Variants in MICOS10 observed in about 807,000 individuals in gnomAD.
MICOS10 encodes the protein MICOS complex subunit MIC10.
In MICOS10, 5 loss-of-function variants were observed where a neutral mutation model predicts 13.4. The observed-to-expected ratio is 0.37, with a 90% confidence interval of 0.20 to 0.78. The LOEUF (loss-of-function observed/expected upper bound fraction) is 0.78, where lower values mean the gene tolerates loss of function less well. Among genes scored for constraint, MICOS10 ranks in the 30% least tolerant of loss-of-function variants. The pLI is 0.47. For missense variants in MICOS10, 101 were observed against 94.6 expected (o/e 1.07, Z -0.28); for synonymous variants, 35 against 33.6 (o/e 1.04, Z -0.15).
intron 2 of MICOS10, among the ~76,000 whole-genome samples, chr1:19,623,024 C>G (rs1737427): frequency 0.11 from 16,400 of 150,480 alleles, 3,030 homozygotes; most frequent in African/African-American, 0.38. Flanking sequence ...CTGGTTCAAG[C>G]GATTCCCCTG....
intron 1 of MICOS10, among the ~76,000 whole-genome samples, chr1:19,615,120 T>A (rs547981904): frequency 9.2e-5 from 14 of 152,188 alleles, no homozygotes; most frequent in Non-Finnish European, 1.6e-4. Context: ...TTTTGGACAG[T>A]TTTCTGGGTA....
intron 1 of MICOS10, among the ~76,000 whole-genome samples, chr1:19,599,894 A>G (rs554632838): frequency 6.6e-6 from 1 of 152,244 alleles, no homozygotes; most frequent in African/African-American, 2.4e-5. Context: ...CTGCGTATTC[A>G]GCACCTCTGC....
Position 19,619,812 on chromosome 1 carries a change from C to T in MICOS10, c.65-2288C>T, listed in dbSNP as rs372254149. ...GGAGTATGTGCCAATTCTTTTTCCTCTCCAAAAGGCATGGTTTCAGAGCAT... is the reference window on the plus strand; with the variant it reads ...GGAGTATGTGCCAATTCTTTTTCCTTTCCAAAAGGCATGGTTTCAGAGCAT... On this transcript the variant is annotated intron_variant, in intron 1 of 3. Coordinates refer to ENST00000322753, the MANE Select transcript of MICOS10 (RefSeq NM_001032363.4). 1.2e-4 allele frequency among the ~76,000 whole-genome samples: 19 copies of T among 152,330 alleles called. No individual in the cohort carries two copies. In the South Asian group the frequency reaches 2.5e-3, roughly 20 times the overall value.
At chr1:19,611,428 T>G (rs2094860717) in intron 1 of MICOS10, among the ~76,000 whole-genome samples, 2 of 151,408 alleles carry the variant, frequency 1.3e-5, no homozygotes, top group African/African-American at 4.9e-5. Context: ...CAGAAAAGAT[T>G]ATGAAGAACT....
intron 3 of MICOS10, among the ~76,000 whole-genome samples, chr1:19,625,856 C>G (rs1390037463): frequency 6.6e-6 from 1 of 152,116 alleles, no homozygotes; most frequent in African/African-American, 2.4e-5. Flanking sequence ...AAAAATGGAG[C>G]AAAATCCCAA....
At chr1:19,608,632 G>A (rs890811449) in intron 1 of MICOS10, 2 of 670,608 alleles carry the variant, frequency 3.0e-6, no homozygotes, top group African/African-American at 1.8e-5. Flanking sequence ...AATAAAAAAA[G>A]TGAAACCTGT....
intron 1 of MICOS10, chr1:19,597,761 T>C (rs2094798474): frequency 6.6e-6 from 1 of 152,258 alleles, no homozygotes. Flanking sequence ...AGTCACTGTA[T>C]GGTGGGGAGG....
In MICOS10 at chr1:19,610,540, A is replaced by C. The variant is rs1002749773; in HGVS notation, c.65-11560A>C. On this transcript the variant is annotated intron_variant, in intron 1 of 3. Coordinates refer to ENST00000322753, the MANE Select transcript of MICOS10 (RefSeq NM_001032363.4). Reference sequence around the variant, plus strand: ...ATTACAGGCTCGTACCACCATGCCCACTAACAGATTGATCTTAACGGATAC... The same window carrying C: ...ATTACAGGCTCGTACCACCATGCCCCCTAACAGATTGATCTTAACGGATAC... 2.2e-4 allele frequency among the ~76,000 whole-genome samples: 34 copies of C among 151,562 alleles called. No individual in the cohort carries two copies. In the East Asian group the frequency reaches 5.4e-3, roughly 24 times the overall value.
rs1205175144 is a variant in MICOS10, at chr1:19,622,103, C to G, written c.68C>G (p.Thr23Ser). ...TGTTTTTTCTCCCTCTTTGTAGGTACTGGTTTTGGATTAGGAATTGTTTTC... is the reference window on the plus strand; with the variant it reads ...TGTTTTTTCTCCCTCTTTGTAGGTAGTGGTTTTGGATTAGGAATTGTTTTC... Reference protein sequence around the residue: ...CLADAVVKIGTGFGLGIVFSL... With the variant: ...CLADAVVKIGSGFGLGIVFSL... The change falls in exon 2 of 4, where the codon ACT becomes AGT. Residue 23 changes from threonine to serine, a missense_variant. Coordinates refer to ENST00000322753, the MANE Select transcript of MICOS10 (RefSeq NM_001032363.4). 1.2e-6 allele frequency: 2 copies of G among 1,611,130 alleles called. No individual in the cohort carries two copies. The highest frequency in any genetic ancestry group is 1.7e-6 in the Non-Finnish European group (2 of 1,178,072).
intron 1 of MICOS10, among the ~76,000 whole-genome samples, chr1:19,615,910 A>C (rs2094882525): frequency 7.1e-6 from 1 of 141,540 alleles, no homozygotes; most frequent in African/African-American, 2.9e-5. Context: ...TTCTCCATTG[A>C]ATTTTTTTTT....
At chr1:19,622,264 T>A in intron 2 of MICOS10, 117 bp downstream of exon 2, 1 of 705,156 alleles carries the variant, frequency 1.4e-6, no homozygotes, top group Admixed American at 3.0e-5. Context: ...CCCATCCATT[T>A]ATGGGGTTAG....
At chr1:19,610,358 A>ACCCCCCC (rs2094855165) in intron 1 of MICOS10, among the ~76,000 whole-genome samples, 2 of 9,418 alleles carry the variant, frequency 2.1e-4, no homozygotes, top group African/African-American at 8.9e-4. Flanking sequence ...CCCACCCCCC[A>ACCCCCCC]CCCCCCGGCT....
intron 2 of MICOS10, 87 bp downstream of exon 2, chr1:19,622,234 A>T (rs964546753): frequency 9.0e-7 from 1 of 1,106,390 alleles, no homozygotes; most frequent in African/African-American, 1.6e-5. Context: ...ATTGGAACCC[A>T]TCAATTTGTG....
Position 19,623,356 on chromosome 1 carries a change from A to G in MICOS10, c.113-118A>G, listed in dbSNP as rs1433850227. 4.5e-6 allele frequency: 3 copies of G among 669,222 alleles called. No homozygotes were observed. The Admixed American group carries it at 7.1e-5, about 16-fold the overall frequency. 41.5% of individuals were successfully genotyped at this position (669,222 alleles called of 1,614,324 possible). A position where few individuals can be genotyped will look rare whatever the true frequency, so the allele number is the denominator to read the frequency against. ...ATAAAAATGTATGGTTATTATAGTC[A>G]TTAGTATGATGCACGTTGAATATTT... On this transcript the variant is annotated intron_variant, in intron 2 of 3. Transcript: ENST00000322753.
In MICOS10 at chr1:19,627,960, T is replaced by A. The variant is rs2094927183; in HGVS notation, c.*1559T>A. On this transcript the variant is annotated 3_prime_UTR_variant, in exon 4 of 4. Coordinates refer to ENST00000322753, the MANE Select transcript of MICOS10 (RefSeq NM_001032363.4). ...TGCCCTCTGGGCTTGTTTTCCTCTTTATTGCTACTTGGCTGTTTTTCACTT... is the reference window on the plus strand; with the variant it reads ...TGCCCTCTGGGCTTGTTTTCCTCTTAATTGCTACTTGGCTGTTTTTCACTT... 1 of 152,320 alleles carries A rather than the reference T, an allele frequency of 6.6e-6. No homozygotes were observed. Among genetic ancestry groups the A allele is most frequent in the African/African-American group, 2.4e-5 (1 of 41,470 alleles). 9.4% of individuals were successfully genotyped at this position (152,320 alleles called of 1,614,324 possible).
Position 19,623,580 on chromosome 1 carries a change from C to T in MICOS10, c.219C>T (p.Val73=). 1.9e-6 allele frequency: 3 copies of T among 1,576,602 alleles called. No individual in the cohort carries two copies. Among genetic ancestry groups the T allele is most frequent in the Non-Finnish European group, 2.6e-6 (3 of 1,146,318 alleles). The change falls in exon 3 of 4, where the codon GTC becomes GTT. Residue 73 remains valine (V), a synonymous_variant. Coordinates refer to ENST00000322753, the MANE Select transcript of MICOS10 (RefSeq NM_001032363.4). ...QAPYLLHGKY[V]KEQEQ ...CATATCTTCTACATGGAAAATATGT[C>T]AAAGTATGTACAGAATATATATTTC...
At chr1:19,602,389 CT>C (rs1490815758) in intron 1 of MICOS10, among the ~76,000 whole-genome samples, 1 of 152,198 alleles carries the variant, frequency 6.6e-6, no homozygotes, top group Admixed American at 6.5e-5. Flanking sequence ...CTTATACCAA[CT>C]TTTAATTTCA....
intron 1 of MICOS10, among the ~76,000 whole-genome samples, chr1:19,601,576 CAA>C (rs1264446193): frequency 2.6e-4 from 24 of 91,316 alleles, no homozygotes; most frequent in Admixed American, 2.5e-4. Context: ...GACCCTTTCT[CAA>C]AAAAAAAAAA....
chr1:19,615,189 CTG>C (rs2094878976), intron 1 of MICOS10, among the ~76,000 whole-genome samples: 1 of 152,234 alleles, frequency 6.6e-6, no homozygotes, highest in Non-Finnish European at 1.5e-5. Context: ...AGGGAAGAGA[CTG>C]TCTTATTTCT....
Sources: gnomAD v4.1 joint callset for allele counts (sites outside exome capture counted in the v4.1 genomes callset) on GRCh38, gnomAD v4.1.1 for gene constraint, MANE v1.5 for transcripts, NCBI Gene and HGNC (gene_info 2026-07-23, HGNC 2026-07-21) for gene names.